CTNNA3: variants seen among roughly 807,000 people sequenced by gnomAD.
The protein encoded by CTNNA3 is catenin alpha 3.
Under a neutral mutation model 95.7 loss-of-function variants are expected in CTNNA3, and 76 were observed. That is an observed-to-expected ratio of 0.79 (90% CI 0.66 to 0.96). CTNNA3 has a LOEUF of 0.96. Ranked by LOEUF, CTNNA3 falls within the 40% of genes least tolerant of loss-of-function variation. The pLI is 0.00. For missense variants in CTNNA3, 1,191 were observed against 1,089.8 expected (o/e 1.09, Z -1.31); for synonymous variants, 431 against 374.4 (o/e 1.15, Z -1.74).
At chr10:67,419,545 G>GT (rs1367061060) in intron 5 of CTNNA3, among the ~76,000 whole-genome samples, 4 of 151,890 alleles carry the variant, frequency 2.6e-5, no homozygotes, top group Non-Finnish European at 4.4e-5. Flanking sequence ...AGTGTTGATT[G>GT]TTTTTTTCCA....
chr10:66,189,615 TATAC>T (rs971035275), intron 13 of CTNNA3, among the ~76,000 whole-genome samples: 7 of 103,420 alleles, frequency 6.8e-5, no homozygotes, highest in African/African-American at 2.0e-4. Flanking sequence ...TATATATATA[TATAC>T]ACACATACAC....
chr10:67,726,938 T>C (rs1406240833), intron 1 of CTNNA3, among the ~76,000 whole-genome samples: 1 of 116,742 alleles, frequency 8.6e-6, no homozygotes, highest in African/African-American at 3.5e-5. Flanking sequence ...ATATCATATA[T>C]CATATATATT....
intron 9 of CTNNA3, among the ~76,000 whole-genome samples, chr10:66,675,058 C>T (rs1846801470): frequency 6.6e-6 from 1 of 152,036 alleles, no homozygotes; most frequent in Non-Finnish European, 1.5e-5. Context: ...TTCTCTCTGA[C>T]ATTCCCACTC....
intron 7 of CTNNA3, among the ~76,000 whole-genome samples, chr10:66,836,246 T>C (rs113686422): frequency 0.043 from 6,585 of 152,220 alleles, 473 homozygotes; most frequent in African/African-American, 0.15. Flanking sequence ...TCCACATTTC[T>C]CTGGACTTGA....
chr10:67,553,515 G>C (rs1329997027), intron 3 of CTNNA3, among the ~76,000 whole-genome samples: 2 of 152,002 alleles, frequency 1.3e-5, no homozygotes, highest in Non-Finnish European at 2.9e-5. Context: ...CTATTAGTGT[G>C]GGAGAAATAA....
intron 7 of CTNNA3, among the ~76,000 whole-genome samples, chr10:67,154,619 C>T (rs1435918991): frequency 2.0e-5 from 3 of 152,170 alleles, no homozygotes; most frequent in East Asian, 3.9e-4. Context: ...ATTAATCCTA[C>T]TTTTTCATTA....
rs114968633 is a variant in CTNNA3, at chr10:67,130,569, T to C, written c.1047+49748A>G. ...GAAATGGACCTGTGACAGATAAGAG[T>C]GTAAATCTGAAGAAATATACTCAAT... On this transcript the variant is annotated intron_variant, in intron 7 of 17. Transcript: ENST00000433211. Among the ~76,000 whole-genome samples, 786 of 152,104 alleles carry C rather than the reference T, an allele frequency of 5.2e-3. 6 individuals are homozygous for C. Among genetic ancestry groups the C allele is most frequent in the African/African-American group, 0.018 (734 of 41,504 alleles).
chr10:66,567,860 G>T (rs1842760282), intron 10 of CTNNA3, among the ~76,000 whole-genome samples: 1 of 152,100 alleles, frequency 6.6e-6, no homozygotes, highest in Non-Finnish European at 1.5e-5. Flanking sequence ...CAGTGCCCCA[G>T]CACAGCAGTT....
At chr10:66,758,020 T>C (rs1005363267) in intron 9 of CTNNA3, among the ~76,000 whole-genome samples, 1 of 152,190 alleles carries the variant, frequency 6.6e-6, no homozygotes, top group African/African-American at 2.4e-5. Flanking sequence ...TTTTCCTTTA[T>C]TTTCTTCCCT....
At chr10:67,183,636 A>G (rs1006966227) in intron 6 of CTNNA3, among the ~76,000 whole-genome samples, 3 of 152,062 alleles carry the variant, frequency 2.0e-5, no homozygotes, top group Non-Finnish European at 2.9e-5. Context: ...ACATGTATAC[A>G]TATGTAACTA....
intron 11 of CTNNA3, among the ~76,000 whole-genome samples, chr10:66,390,402 G>C (rs1221639034): frequency 6.6e-6 from 1 of 152,096 alleles, no homozygotes; most frequent in Admixed American, 6.6e-5. Flanking sequence ...TCAGAGAAGG[G>C]AAGAAGAGAG....
intron 7 of CTNNA3, among the ~76,000 whole-genome samples, chr10:67,165,620 T>G (rs1241530159): frequency 6.6e-6 from 1 of 152,230 alleles, no homozygotes; most frequent in East Asian, 1.9e-4. Flanking sequence ...TCTTTGCTAC[T>G]TCCTTTGAAT....
intron 7 of CTNNA3, among the ~76,000 whole-genome samples, chr10:66,888,394 T>C (rs563139843): frequency 5.0e-4 from 76 of 152,316 alleles, no homozygotes; most frequent in African/African-American, 1.8e-3. Context: ...ATGTCCATGC[T>C]GAACTTCTGA....
chr10:67,187,523 TTTC>T (rs1862909233), intron 6 of CTNNA3, among the ~76,000 whole-genome samples: 1 of 151,634 alleles, frequency 6.6e-6, no homozygotes, highest in Admixed American at 6.6e-5. Context: ...CTCTCATCAT[TTTC>T]TTTCTCTCTC....
intron 9 of CTNNA3, among the ~76,000 whole-genome samples, chr10:66,714,542 C>T (rs911277932): frequency 6.6e-6 from 1 of 152,110 alleles, no homozygotes; most frequent in Non-Finnish European, 1.5e-5. Context: ...GCAGTAATCC[C>T]CTATCTTGTC....
chr10:66,547,768 G>A (rs897997646), intron 10 of CTNNA3, among the ~76,000 whole-genome samples: 2 of 151,988 alleles, frequency 1.3e-5, no homozygotes, highest in African/African-American at 4.8e-5. Flanking sequence ...TAAAATATTT[G>A]GTCTTACAAT....
intron 10 of CTNNA3, among the ~76,000 whole-genome samples, chr10:66,618,501 AG>A (rs779079532): frequency 1.3e-5 from 2 of 152,220 alleles, no homozygotes; most frequent in African/African-American, 4.8e-5. Flanking sequence ...AAAACAGGCT[AG>A]CCATAGGTAG....
chr10:66,597,406 G>A (rs1843745693), intron 10 of CTNNA3, among the ~76,000 whole-genome samples: 1 of 149,920 alleles, frequency 6.7e-6, no homozygotes, highest in Non-Finnish European at 1.5e-5. Context: ...AAAATTGAAT[G>A]ACACCCATGT....
At position 66,726,244 on chromosome 10, in the gene CTNNA3, A is replaced by T. The variant is rs1016567823; in HGVS notation, c.1281+40020T>A. Among the ~76,000 whole-genome samples the T allele has an allele frequency of 4.6e-5, 7 of 152,040 alleles. No homozygotes were observed. The East Asian group carries it at 1.4e-3, about 29-fold the overall frequency. On this transcript the variant is annotated intron_variant, in intron 9 of 17. Coordinates refer to ENST00000433211, the MANE Select transcript of CTNNA3 (RefSeq NM_013266.4). Reference sequence around the variant, plus strand: ...TGACATGGAAATTTCAGGACACAAAAATCAGAGTGGCCAAAGAATTTCATG... The same window carrying T: ...TGACATGGAAATTTCAGGACACAAATATCAGAGTGGCCAAAGAATTTCATG...
Sources: gnomAD v4.1 joint callset for allele counts (sites outside exome capture counted in the v4.1 genomes callset) on GRCh38, gnomAD v4.1.1 for gene constraint, MANE v1.5 for transcripts, NCBI Gene and HGNC (gene_info 2026-07-23, HGNC 2026-07-21) for gene names.